Variants in C8orf89 observed in about 807,000 individuals in gnomAD.
C8orf89 encodes putative uncharacterized protein C8orf89.
C8orf89 carries 14 observed loss-of-function variants against 15.8 expected under a neutral mutation model. The ratio of observed to expected loss-of-function variants is 0.89; its 90% CI spans 0.59 to 1.39. The LOEUF is 1.39. Among genes scored for constraint, C8orf89 ranks in the 40% most tolerant of loss-of-function variants. The pLI, the probability that C8orf89 is intolerant of heterozygous loss-of-function variation, is 0.00. For synonymous variants in C8orf89, 55 were observed against 62.2 expected (o/e 0.88, Z 0.54); for missense variants, 181 against 184.5 (o/e 0.98, Z 0.11).
chr8:73,277,129 A>G, the C8orf89 span, among the ~76,000 whole-genome samples: 7 of 152,060 alleles, frequency 4.6e-5, no homozygotes, highest in Non-Finnish European at 1.0e-4. Context: ...TTAAGCCTCA[A>G]ATCTTCCAGG....
the C8orf89 span, among the ~76,000 whole-genome samples, chr8:73,273,086 A>G: frequency 6.6e-6 from 1 of 152,244 alleles, no homozygotes; most frequent in Non-Finnish European, 1.5e-5. Flanking sequence ...GGCAGCGGCA[A>G]CCGGCCTGGA....
At chr8:73,243,207 C>CA (rs1554576300) in intron 3 of C8orf89, among the ~76,000 whole-genome samples, 1 of 151,800 alleles carries the variant, frequency 6.6e-6, no homozygotes, top group Non-Finnish European at 1.5e-5. Context: ...TTTATAGGTA[C>CA]AAAAAATACA....
chr8:73,256,911 C>T, intron 2 of C8orf89, 62 bp downstream of exon 2: 4 of 1,145,698 alleles, frequency 3.5e-6, no homozygotes, highest in Non-Finnish European at 3.4e-6. Context: ...AAAACCTCTA[C>T]ATTCAGCAGT....
At chr8:73,277,365 T>C in the C8orf89 span, 37,773 of 1,011,372 alleles carry the variant, frequency 0.037, 865 homozygotes, top group Non-Finnish European at 0.046. Flanking sequence ...ACGATCATTT[T>C]TTCTCTGAGG....
In C8orf89 at chr8:73,256,873, C is replaced by CA. The variant is rs1813403516; in HGVS notation, c.281+99dup. On this transcript the variant is annotated intron_variant, in intron 2 of 3. Coordinates refer to ENST00000624510, the MANE Select transcript of C8orf89 (RefSeq NM_001243237.3). ...TATGTAAAAAAAAAAAAAAAACAGG[C>CA]AAAAATGAATGCAATTCACTGACCA... The CA allele has an allele frequency of 8.6e-6, 6 of 694,820 alleles. No individual in the cohort carries two copies. The African/African-American group carries it at 1.0e-4, about 12-fold the overall frequency. The allele number at this position is 694,820 out of a possible 1,614,324, so 43.0% of individuals were successfully genotyped here.
At chr8:73,283,826 C>T in the C8orf89 span, among the ~76,000 whole-genome samples, 2 of 151,974 alleles carry the variant, frequency 1.3e-5, no homozygotes, top group Non-Finnish European at 2.9e-5. Context: ...CATCACCTGA[C>T]ATCAGGAGTT....
chr8:73,262,110 A>C (rs1813540226), upstream of C8orf89, among the ~76,000 whole-genome samples: 1 of 152,242 alleles, frequency 6.6e-6, no homozygotes, highest in African/African-American at 2.4e-5. Flanking sequence ...TAAAATATGG[A>C]GTAAATTATA....
upstream of C8orf89, chr8:73,259,633 G>T (rs1813485233): frequency 2.5e-6 from 1 of 394,154 alleles, no homozygotes; most frequent in Admixed American, 4.5e-5. Flanking sequence ...ACAGATATTG[G>T]GTAATATTTT....
chr8:73,273,216 A>G, the C8orf89 span, among the ~76,000 whole-genome samples: 84,950 of 151,958 alleles, frequency 0.56, 24,020 homozygotes, highest in South Asian at 0.75. Context: ...TGGCGGGGCA[A>G]AAGTCCCATG....
At chr8:73,271,932 A>C in the C8orf89 span, among the ~76,000 whole-genome samples, 5 of 152,230 alleles carry the variant, frequency 3.3e-5, no homozygotes, top group African/African-American at 7.2e-5. Flanking sequence ...CATATAACCT[A>C]GTACACTGCT....
At chr8:73,279,289 T>G in the C8orf89 span, among the ~76,000 whole-genome samples, 29,895 of 152,104 alleles carry the variant, frequency 0.2, 3,006 homozygotes, top group Middle Eastern at 0.23. Context: ...ACAGGAACTT[T>G]GCTATGCAGA....
Position 73,256,130 on chromosome 8 carries a change from AAATAAT to A in C8orf89, c.281+837_281+842del, listed in dbSNP as rs71268002. Reference sequence around the variant, plus strand: ...ATAATAATAATAAAAAATAAATAACAAATAATAATAATAATAATAATAATAATAATG... The same window carrying A: ...ATAATAATAATAAAAAATAAATAACAAATAATAATAATAATAATAATAATG... On this transcript the variant is annotated intron_variant, in intron 2 of 3. Transcript: ENST00000624510. 1.5e-3 allele frequency among the ~76,000 whole-genome samples: 225 copies of A among 147,988 alleles called. No homozygotes were observed. The East Asian group carries it at 0.02, about 13-fold the overall frequency.
upstream of C8orf89, among the ~76,000 whole-genome samples, chr8:73,261,394 G>A (rs766083065): frequency 9.2e-5 from 14 of 152,022 alleles, no homozygotes; most frequent in East Asian, 1.9e-4. Flanking sequence ...CCCAGAACAC[G>A]GGGAGAGAGG....
At chr8:73,256,726 CAAA>C (rs11288188) in intron 2 of C8orf89, among the ~76,000 whole-genome samples, 3 of 43,704 alleles carry the variant, frequency 6.9e-5, no homozygotes, top group African/African-American at 2.4e-4. Context: ...GACTCTGTCT[CAAA>C]AAAAAAAAAA....
chr8:73,281,593 C>T, the C8orf89 span, among the ~76,000 whole-genome samples: 2 of 152,188 alleles, frequency 1.3e-5, no homozygotes, highest in South Asian at 4.1e-4. Flanking sequence ...CACAACAGAA[C>T]TTTTGCTGAC....
the C8orf89 span, among the ~76,000 whole-genome samples, chr8:73,284,871 C>T: frequency 6.6e-6 from 1 of 152,102 alleles, no homozygotes; most frequent in Non-Finnish European, 1.5e-5. Context: ...GATTATAATA[C>T]CCTAAAAGTG....
Position 73,259,378 on chromosome 8 carries a change from C to G in C8orf89, c.81G>C (p.Glu27Asp), listed in dbSNP as rs775731570. ...CTAAAACTGCTTTCTTCCAACTACTCTCAAAAATCAAACAACTGCCAAAGG... is the reference window on the plus strand; with the variant it reads ...CTAAAACTGCTTTCTTCCAACTACTGTCAAAAATCAAACAACTGCCAAAGG... Reference protein sequence around the residue: ...RSSFGSCLIFESSWKKAVLET... With the variant: ...RSSFGSCLIFDSSWKKAVLET... Residue 27 changes from glutamate to aspartate, a missense_variant, in exon 1 of 4, where the codon GAG becomes GAC. By Grantham distance (45) the Glu-to-Asp change is conservative (BLOSUM62 2). Transcript: ENST00000624510. The G allele has an allele frequency of 1.8e-5, 27 of 1,529,016 alleles. No individual in the cohort carries two copies. In the South Asian group the frequency reaches 2.5e-4, roughly 14 times the overall value. 94.7% of individuals were successfully genotyped at this position (1,529,016 alleles called of 1,614,324 possible). A position where few individuals can be genotyped will look rare whatever the true frequency, so the allele number is the denominator to read the frequency against.
intron 2 of C8orf89, among the ~76,000 whole-genome samples, chr8:73,253,880 A>G (rs1276916720): frequency 2.0e-5 from 3 of 149,950 alleles, no homozygotes; most frequent in Non-Finnish European, 4.4e-5. Context: ...ATCTGCAAAC[A>G]GGGACAATTT....
At chr8:73,261,551 G>A (rs1213772930), upstream of C8orf89, among the ~76,000 whole-genome samples, 1 of 152,144 alleles carries the variant, frequency 6.6e-6, no homozygotes, top group Non-Finnish European at 1.5e-5. Context: ...AGCTACTCCT[G>A]AGGGGCCACT....
Sources: gnomAD v4.1 joint callset for allele counts (sites outside exome capture counted in the v4.1 genomes callset) on GRCh38, gnomAD v4.1.1 for gene constraint, MANE v1.5 for transcripts, NCBI Gene and HGNC (gene_info 2026-07-23, HGNC 2026-07-21) for gene names.